Variants in FAM241A observed in about 807,000 individuals in gnomAD.
FAM241A encodes the protein uncharacterized protein FAM241A.
FAM241A carries 7 observed loss-of-function variants against 12.2 expected under a neutral mutation model. The observed-to-expected ratio is 0.58, with a 90% confidence interval of 0.33 to 1.08. The LOEUF is 1.08. FAM241A is among the 50% of genes least tolerant of loss of function. The probability of loss-of-function intolerance (pLI) is 0.04; values close to 1 mark genes in which losing one functional copy is unlikely to be tolerated. For missense variants in FAM241A, 161 were observed against 169.7 expected (o/e 0.95, Z 0.29); for synonymous variants, 74 against 68.2 (o/e 1.08, Z -0.42).
chr4:112,175,892 T>C (rs1187796575), intron 1 of FAM241A, among the ~76,000 whole-genome samples: 1 of 152,174 alleles, frequency 6.6e-6, no homozygotes, highest in Non-Finnish European at 1.5e-5. Context: ...TTAAATCAAG[T>C]AGAATATATG....
intron 1 of FAM241A, among the ~76,000 whole-genome samples, chr4:112,173,733 C>T (rs543543694): frequency 4.6e-5 from 7 of 152,260 alleles, no homozygotes; most frequent in South Asian, 2.1e-4. Context: ...CTCACGGTCC[C>T]AGGACTGATT....
chr4:112,186,652 CATGTT>C (rs755242403), intron 1 of FAM241A, 36 bp from the exon 2 acceptor site: 4 of 1,561,926 alleles, frequency 2.6e-6, no homozygotes, highest in African/African-American at 2.8e-5. Context: ...ACATATTTCT[CATGTT>C]ATGTTCATGT....
intron 1 of FAM241A, among the ~76,000 whole-genome samples, chr4:112,170,079 C>T (rs535668044): frequency 6.6e-5 from 10 of 152,284 alleles, no homozygotes; most frequent in Admixed American, 2.6e-4. Flanking sequence ...CTGAGACTCA[C>T]TACAAACTAA....
At chr4:112,184,790 C>G (rs1367758631) in intron 1 of FAM241A, among the ~76,000 whole-genome samples, 1 of 151,894 alleles carries the variant, frequency 6.6e-6, no homozygotes, top group Non-Finnish European at 1.5e-5. Flanking sequence ...ATTTTAAACT[C>G]TATGTGTACA....
At position 112,145,659 on chromosome 4, in the gene FAM241A, G is replaced by GAGGCGGC; in HGVS notation, c.83_89dup (p.Thr31GlyfsTer26). ...GGACGGGGACGCGCTGGCGGAGCGG[G>GAGGCGGC]AGGCGGCAGGGACCGGGTGGGATCC... is the stretch of plus-strand genomic sequence containing the variant. On this transcript the variant is annotated frameshift_variant, in exon 1 of 2. Coordinates refer to ENST00000309733, the MANE Select transcript of FAM241A (RefSeq NM_152400.3). LOFTEE classifies it high-confidence loss of function. 1 of 1,217,636 alleles carries GAGGCGGC rather than the reference G, an allele frequency of 8.2e-7. No homozygotes were observed. The highest frequency in any genetic ancestry group is 1.0e-6 in the Non-Finnish European group (1 of 978,512). 75.4% of individuals were successfully genotyped at this position (1,217,636 alleles called of 1,614,324 possible). A position where few individuals can be genotyped will look rare whatever the true frequency, so the allele number is the denominator to read the frequency against.
intron 1 of FAM241A, among the ~76,000 whole-genome samples, chr4:112,156,458 C>T (rs1399273767): frequency 6.6e-6 from 1 of 152,156 alleles, no homozygotes. Context: ...TCTGCCACTC[C>T]TCACTGCCCT....
intron 1 of FAM241A, among the ~76,000 whole-genome samples, chr4:112,179,914 G>GACATATATATATATATATAT (rs1479640205): frequency 0.026 from 3,057 of 117,244 alleles, 138 homozygotes; most frequent in Middle Eastern, 0.045. Flanking sequence ...AAGAAAATGT[G>GACATATATATATATATATAT]ATATATATAT....
intron 1 of FAM241A, among the ~76,000 whole-genome samples, chr4:112,149,540 C>T (rs1026267572): frequency 2.6e-5 from 4 of 152,138 alleles, no homozygotes; most frequent in Non-Finnish European, 4.4e-5. Flanking sequence ...GGTATAGATT[C>T]CTAGAAGTAG....
At chr4:112,160,756 C>T (rs567613422) in intron 1 of FAM241A, among the ~76,000 whole-genome samples, 22 of 152,204 alleles carry the variant, frequency 1.4e-4, no homozygotes, top group Non-Finnish European at 2.8e-4. Context: ...AATCCACACA[C>T]CTATAGTGAT....
chr4:112,154,326 G>T (rs1448357056), intron 1 of FAM241A, among the ~76,000 whole-genome samples: 1 of 152,048 alleles, frequency 6.6e-6, no homozygotes, highest in Admixed American at 6.6e-5. Context: ...GGAGTGCAAT[G>T]GTAGGATCTC....
chr4:112,165,007 G>T (rs1723565279), intron 1 of FAM241A, among the ~76,000 whole-genome samples: 2 of 152,166 alleles, frequency 1.3e-5, no homozygotes, highest in African/African-American at 4.8e-5. Context: ...TGAGGTGGGA[G>T]AATCACCTGA....
chr4:112,158,035 A>G (rs1723388700), intron 1 of FAM241A, among the ~76,000 whole-genome samples: 1 of 152,134 alleles, frequency 6.6e-6, no homozygotes, highest in African/African-American at 2.4e-5. Flanking sequence ...AAAAATATCC[A>G]ATGTAAAACA....
chr4:112,149,148 CATTT>C (rs1210765169), intron 1 of FAM241A, among the ~76,000 whole-genome samples: 2 of 151,912 alleles, frequency 1.3e-5, no homozygotes, highest in African/African-American at 2.4e-5. Context: ...ACAGTATATT[CATTT>C]GTCTATGTGT....
At chr4:112,183,403 T>C (rs974136803) in intron 1 of FAM241A, among the ~76,000 whole-genome samples, 1 of 152,114 alleles carries the variant, frequency 6.6e-6, no homozygotes, top group Non-Finnish European at 1.5e-5. Flanking sequence ...TCTGAGATAA[T>C]GTGAGCATTG....
chr4:112,176,572 A>G lies in FAM241A; in HGVS notation c.154-10121A>G, dbSNP rs1212494670. Among the ~76,000 whole-genome samples the G allele has an allele frequency of 1.1e-4, 16 of 152,196 alleles. 1 individual carries two copies. Among genetic ancestry groups the G allele is most frequent in the Admixed American group, 1.0e-3 (16 of 15,284 alleles). Reference sequence around the variant, plus strand: ...CTTAACCTCTTCATTCCTAATTTCTAAAGTAAGAGACTGTGCTTTAATTAT... The same window carrying G: ...CTTAACCTCTTCATTCCTAATTTCTGAAGTAAGAGACTGTGCTTTAATTAT... On this transcript the variant is annotated intron_variant, in intron 1 of 1. Coordinates refer to ENST00000309733, the MANE Select transcript of FAM241A (RefSeq NM_152400.3).
intron 1 of FAM241A, among the ~76,000 whole-genome samples, chr4:112,183,028 G>A (rs139207808): frequency 6.0e-4 from 91 of 150,754 alleles, no homozygotes; most frequent in African/African-American, 2.2e-3. Flanking sequence ...CTTCCTTTAG[G>A]GTTGTTTGAA....
At chr4:112,165,667 A>G (rs2110426929) in intron 1 of FAM241A, among the ~76,000 whole-genome samples, 1 of 152,332 alleles carries the variant, frequency 6.6e-6, no homozygotes, top group East Asian at 1.9e-4. Flanking sequence ...GAAGACAAAC[A>G]TCGCATATTC....
In FAM241A at chr4:112,187,066, TA is replaced by T. The variant is rs536135180; in HGVS notation, c.*131del. 35 of 1,008,006 alleles carry T rather than the reference TA, an allele frequency of 3.5e-5. 1 individual carries two copies. In the South Asian group the frequency reaches 4.8e-4, roughly 14 times the overall value. The allele number at this position is 1,008,006 out of a possible 1,614,324, so 62.4% of individuals were successfully genotyped here. A position where few individuals can be genotyped will look rare whatever the true frequency, so the allele number is the denominator to read the frequency against. On this transcript the variant is annotated 3_prime_UTR_variant, in exon 2 of 2. Transcript: ENST00000309733. Reference sequence around the variant, plus strand: ...AATCATGTGCTGGCTGTTTTGTAAGTAAATTTATACATGGATGTCACTTAAA... The same window carrying T: ...AATCATGTGCTGGCTGTTTTGTAAGTAATTTATACATGGATGTCACTTAAA...
intron 1 of FAM241A, among the ~76,000 whole-genome samples, chr4:112,180,959 GTA>G (rs1723930931): frequency 6.6e-6 from 1 of 152,136 alleles, no homozygotes; most frequent in Admixed American, 6.5e-5. Flanking sequence ...TACTTGAGGA[GTA>G]TATGTGGAGA....
Sources: allele counts gnomAD v4.1 joint callset (sites outside exome capture counted in the v4.1 genomes callset), GRCh38; gene constraint gnomAD v4.1.1; transcripts MANE v1.5; gene names NCBI Gene and HGNC (gene_info 2026-07-23, HGNC 2026-07-21).